NMNAT1: variants seen among roughly 807,000 people sequenced by gnomAD.
The protein encoded by NMNAT1 is nicotinamide/nicotinic acid mononucleotide adenylyltransferase 1.
In NMNAT1, 11 loss-of-function variants were observed where a neutral mutation model predicts 16.7. That is an observed-to-expected ratio of 0.66 (90% confidence interval 0.41 to 1.09). The LOEUF is 1.09. NMNAT1 is among the 50% of genes least tolerant of loss of function. The pLI, the probability that NMNAT1 is intolerant of heterozygous loss-of-function variation, is 0.00. For synonymous variants in NMNAT1, 110 were observed against 119.8 expected (o/e 0.92, Z 0.53); for missense variants, 280 against 332.3 (o/e 0.84, Z 1.22).
chr1:9,949,225 C>A (rs1025954275), intron 1 of NMNAT1, among the ~76,000 whole-genome samples: 4 of 150,730 alleles, frequency 2.7e-5, no homozygotes, highest in Non-Finnish European at 5.9e-5. Context: ...CGAAATCACA[C>A]CACTGCACTC....
At chr1:9,955,803 G>A (rs562396179) in intron 1 of NMNAT1, 27 of 152,056 alleles carry the variant, frequency 1.8e-4, no homozygotes, top group Admixed American at 1.1e-3. Context: ...AATGCTTGAC[G>A]GATAACTACA....
chr1:9,949,003 C>T (rs1039899194), intron 1 of NMNAT1, among the ~76,000 whole-genome samples: 4 of 151,604 alleles, frequency 2.6e-5, no homozygotes, highest in African/African-American at 9.7e-5. Context: ...GCCATGGTGG[C>T]TCACGCCTGT....
chr1:9,982,795 T>A lies in NMNAT1; in HGVS notation c.*94T>A. On this transcript the variant is annotated 3_prime_UTR_variant, in exon 5 of 5. Coordinates refer to ENST00000377205, the MANE Select transcript of NMNAT1 (RefSeq NM_022787.4). The stretch of plus-strand genomic sequence containing the variant: ...GGGAAAGAAGTTGTGATCTGTTGCC[T>A]AAACTAAAGCTTAAAAGTTTAGTAA... The A allele has an allele frequency of 7.6e-7, 1 of 1,313,968 alleles. No individual in the cohort carries two copies. Among genetic ancestry groups the A allele is most frequent in the Non-Finnish European group, 1.0e-6 (1 of 962,658 alleles). The allele number at this position is 1,313,968 out of a possible 1,614,324, so 81.4% of individuals were successfully genotyped here. A position where few individuals can be genotyped will look rare whatever the true frequency, so the allele number is the denominator to read the frequency against.
chr1:9,959,563 C>T (rs1337344238), intron 1 of NMNAT1, among the ~76,000 whole-genome samples: 1 of 151,908 alleles, frequency 6.6e-6, no homozygotes, highest in Non-Finnish European at 1.5e-5. Flanking sequence ...CGCCTGTAAT[C>T]CCAGCTACTC....
At chr1:9,981,330 G>T (rs1221324590) in intron 4 of NMNAT1, 160 bp downstream of exon 4, 2 of 1,176,942 alleles carry the variant, frequency 1.7e-6, no homozygotes, top group Non-Finnish European at 2.3e-6. Flanking sequence ...TGCCTCCTGG[G>T]TTCATGCCAT....
chr1:9,952,992 T>TG (rs1641153142), intron 1 of NMNAT1, among the ~76,000 whole-genome samples: 1 of 152,088 alleles, frequency 6.6e-6, no homozygotes, highest in Non-Finnish European at 1.5e-5. Flanking sequence ...GCATGTTTTT[T>TG]TTTTTTGAGA....
rs746517013 is a variant in NMNAT1, at chr1:9,982,685, C to T, written c.824C>T (p.Ala275Val). ...CTGGCCCCTTTGCAGAGAAACACTG[C>T]AGAAGCTAAGACATAGGAATTCTAC... ...VILAPLQRNTAEAKT is the reference protein window; with the variant it reads ...VILAPLQRNTVEAKT Residue 275 changes from alanine (A) to valine (V), a missense_variant, in exon 5 of 5, where the codon GCA (alanine) becomes GTA (valine). Transcript: ENST00000377205. The T allele has an allele frequency of 1.9e-6, 3 of 1,610,156 alleles. No homozygotes were observed. The highest frequency in any genetic ancestry group is 1.1e-5 in the South Asian group (1 of 90,502).
chr1:9,948,989 G>T (rs936073479), intron 1 of NMNAT1, among the ~76,000 whole-genome samples: 10 of 151,718 alleles, frequency 6.6e-5, no homozygotes, highest in African/African-American at 2.2e-4. Context: ...ACAAAACACG[G>T]CTGGCCATGG....
chr1:9,952,645 C>G lies in NMNAT1; in HGVS notation c.-57+9130C>G, dbSNP rs531695746. On this transcript the variant is annotated intron_variant, in intron 1 of 4. Transcript: ENST00000377205. ...CTCTGCCTCCTGGGTTCAAGTGATT[C>G]TCCTGCCTCAGCCTCCCTAGTAGGT... Among the ~76,000 whole-genome samples the G allele has an allele frequency of 7.9e-5, 12 of 152,116 alleles. No homozygotes were observed. The East Asian group carries it at 2.3e-3, about 30-fold the overall frequency.
intron 3 of NMNAT1, among the ~76,000 whole-genome samples, chr1:9,978,169 C>G (rs1641856834): frequency 6.6e-6 from 1 of 152,096 alleles, no homozygotes; most frequent in South Asian, 2.1e-4. Flanking sequence ...CCACCCTGGC[C>G]AACATGGCAA....
chr1:9,974,217 AT>A lies in NMNAT1; in HGVS notation c.116-1360del, dbSNP rs771816085. On this transcript the variant is annotated intron_variant, in intron 2 of 4. Coordinates refer to ENST00000377205, the MANE Select transcript of NMNAT1 (RefSeq NM_022787.4). ...TGCAAACATTTGTGTGTATACACAG[AT>A]TTTTTTTTTTTTTTGTGGAAATGGT... Among the ~76,000 whole-genome samples, 1,407 of 142,384 alleles carry A rather than the reference AT, an allele frequency of 9.9e-3. 17 individuals are homozygous for A. Among genetic ancestry groups the A allele is most frequent in the African/African-American group, 0.028 (1,080 of 39,060 alleles). The allele number at this position is 142,384 out of a possible 152,430, so 93.4% of individuals were successfully genotyped here.
intron 2 of NMNAT1, among the ~76,000 whole-genome samples, chr1:9,974,428 G>T (rs951245766): frequency 6.8e-5 from 10 of 146,014 alleles, no homozygotes; most frequent in African/African-American, 2.5e-4. Context: ...TTGCTCTGTC[G>T]CTCAGGCTGG....
chr1:9,975,380 A>C (rs534698874), intron 2 of NMNAT1, among the ~76,000 whole-genome samples: 2 of 152,248 alleles, frequency 1.3e-5, no homozygotes, highest in East Asian at 3.9e-4. Context: ...ATGCGCCCGT[A>C]ATCCCAGCTA....
downstream of NMNAT1, among the ~76,000 whole-genome samples, chr1:9,985,687 C>G (rs915420725): frequency 2.6e-5 from 4 of 152,058 alleles, no homozygotes; most frequent in African/African-American, 9.7e-5. Flanking sequence ...GCTTCTGAGA[C>G]AGTTTTGCTG....
rs1030993742 is a variant in NMNAT1 at position 9,982,940 on chromosome 1, T to C, written c.*239T>C. On this transcript the variant is annotated 3_prime_UTR_variant, in exon 5 of 5. Transcript: ENST00000377205. ...GGCCAATATGGTGAAACCCCATCTC[T>C]ACTAAAAATACAAAAATTAGCTGTG... The C allele has an allele frequency of 4.1e-5, 14 of 343,444 alleles. No homozygotes were observed. Among genetic ancestry groups the C allele is most frequent in the African/African-American group, 2.4e-4 (11 of 46,512 alleles). 21.3% of individuals were successfully genotyped at this position (343,444 alleles called of 1,614,324 possible).
At chr1:9,944,313 G>A (rs989806559) in intron 1 of NMNAT1, among the ~76,000 whole-genome samples, 3 of 152,098 alleles carry the variant, frequency 2.0e-5, no homozygotes, top group African/African-American at 7.2e-5. Context: ...TGTAAACCCA[G>A]CACTTTGAGA....
At chr1:9,992,747 TA>T in the NMNAT1 span, among the ~76,000 whole-genome samples, 1 of 151,686 alleles carries the variant, frequency 6.6e-6, no homozygotes, top group Non-Finnish European at 1.5e-5. Context: ...CCATCTCTAC[TA>T]AAAAATACAA....
chr1:9,957,703 T>A (rs967120665), intron 1 of NMNAT1, among the ~76,000 whole-genome samples: 7 of 152,228 alleles, frequency 4.6e-5, no homozygotes, highest in Non-Finnish European at 1.0e-4. Context: ...AGACTTTCTG[T>A]AATAGAAGCT....
chr1:9,946,745 G>A (rs1242563765), intron 1 of NMNAT1, among the ~76,000 whole-genome samples: 2 of 152,058 alleles, frequency 1.3e-5, no homozygotes, highest in African/African-American at 4.8e-5. Context: ...GCCCTGATCC[G>A]ATAGGACTAG....
Sources: allele counts gnomAD v4.1 joint callset (sites outside exome capture counted in the v4.1 genomes callset), GRCh38; gene constraint gnomAD v4.1.1; transcripts MANE v1.5; gene names NCBI Gene and HGNC (gene_info 2026-07-23, HGNC 2026-07-21).